The following DRC11L variants were observed in gnomAD, a reference collection of about 807,000 sequenced individuals.
DRC11L encodes dynein regulatory complex subunit like-11.
At chr7:151,195,432 G>A in the DRC11L span, 1 of 399,274 alleles carries the variant, frequency 2.5e-6, no homozygotes, top group East Asian at 3.6e-5. Context: ...CCTGCTACCT[G>A]TCTGAGGTCA....
chr7:151,203,037 C>T, the DRC11L span: 19 of 399,672 alleles, frequency 4.8e-5, no homozygotes, highest in East Asian at 2.8e-4. Flanking sequence ...GGCCTTGCCT[C>T]GCCCGCTCTG....
chr7:151,195,928 C>T, the DRC11L span: 1 of 317,378 alleles, frequency 3.2e-6, no homozygotes, highest in Non-Finnish European at 5.8e-6. Flanking sequence ...GCGGAGAAGC[C>T]CCCAGATGGA....
chr7:151,202,058 A>G, the DRC11L span, among the ~76,000 whole-genome samples: 3 of 152,206 alleles, frequency 2.0e-5, no homozygotes, highest in Non-Finnish European at 1.5e-5. Context: ...GGATGGTAAG[A>G]ATGCTCGGGG....
At chr7:151,202,199 T>C in the DRC11L span, among the ~76,000 whole-genome samples, 2 of 152,214 alleles carry the variant, frequency 1.3e-5, no homozygotes, top group African/African-American at 4.8e-5. Flanking sequence ...TCACATCAGT[T>C]ATCAAATTAA....
the DRC11L span, among the ~76,000 whole-genome samples, chr7:151,199,609 C>T: frequency 1.3e-5 from 2 of 152,040 alleles, no homozygotes; most frequent in African/African-American, 4.8e-5. The surrounding 1 kb of genome is among the most constrained non-coding windows in gnomAD (Gnocchi z 5.2). Context: ...GCCCCTGGCC[C>T]CTCCTTCCTC....
the DRC11L span, chr7:151,194,197 C>T: frequency 2.5e-6 from 1 of 398,054 alleles, no homozygotes; most frequent in Non-Finnish European, 4.4e-6. Flanking sequence ...CTGACCCCAG[C>T]CCTCACCCCA....
the DRC11L span, chr7:151,195,888 A>G: frequency 5.6e-6 from 2 of 358,460 alleles, no homozygotes; most frequent in African/African-American, 4.2e-5. Flanking sequence ...CTGCTCTCTC[A>G]GGAGCCCTGT....
chr7:151,197,006 A>T, the DRC11L span: 1 of 399,454 alleles, frequency 2.5e-6, no homozygotes, highest in Non-Finnish European at 4.4e-6. Context: ...GGCACAGATC[A>T]TAGGGATACA....
At chr7:151,198,916 TC>T in the DRC11L span, 1 of 399,130 alleles carries the variant, frequency 2.5e-6, no homozygotes, top group Non-Finnish European at 4.4e-6. Flanking sequence ...TCCTCCTCTT[TC>T]TCCATCTGGC....
chr7:151,203,019 T>C, the DRC11L span: 1 of 399,844 alleles, frequency 2.5e-6, no homozygotes. Flanking sequence ...TGAAGGTGGC[T>C]CGAAGCCGGC....
the DRC11L span, chr7:151,192,542 C>A: frequency 2.5e-6 from 1 of 398,494 alleles, no homozygotes; most frequent in South Asian, 1.3e-4. Flanking sequence ...CCACCCCACC[C>A]TCAGCCTCAC....
At chr7:151,203,421 T>C in the DRC11L span, 2 of 399,120 alleles carry the variant, frequency 5.0e-6, no homozygotes, top group African/African-American at 4.1e-5. Context: ...GGCTCCAGTC[T>C]GGACAGGATC....
chr7:151,198,509 A>G, the DRC11L span, among the ~76,000 whole-genome samples: 1 of 152,060 alleles, frequency 6.6e-6, no homozygotes, highest in Non-Finnish European at 1.5e-5. Flanking sequence ...AAACAGGAGG[A>G]CAGATCACTC....
chr7:151,200,856 TC>T, the DRC11L span, among the ~76,000 whole-genome samples: 14 of 152,158 alleles, frequency 9.2e-5, no homozygotes, highest in African/African-American at 3.1e-4. Context: ...GTGGAGCTCC[TC>T]AGTTAATCCT....
chr7:151,195,521 G>A, the DRC11L span: 4 of 399,794 alleles, frequency 1.0e-5, no homozygotes, highest in African/African-American at 4.1e-5. Flanking sequence ...ACTGTGCCCT[G>A]TTCCTTGCCT....
chr7:151,193,306 C>T, the DRC11L span: 1 of 399,550 alleles, frequency 2.5e-6, no homozygotes, highest in Non-Finnish European at 4.4e-6. Context: ...AGACTATATG[C>T]ACCATCATCT....
the DRC11L span, chr7:151,203,212 T>C: frequency 2.5e-6 from 1 of 398,128 alleles, no homozygotes; most frequent in Non-Finnish European, 4.4e-6. Flanking sequence ...TCCCAGAGTA[T>C]CTGGGAGGCC....
chr7:151,196,626 C>T, the DRC11L span: 1 of 399,408 alleles, frequency 2.5e-6, no homozygotes, highest in Non-Finnish European at 4.4e-6. Flanking sequence ...TTCATGCGTG[C>T]ACAAGCACAT....
chr7:151,205,423 C>T, the DRC11L span: 1 of 399,398 alleles, frequency 2.5e-6, no homozygotes, highest in Non-Finnish European at 4.4e-6. Context: ...CCTGGGAGCC[C>T]CACTCCAGCC....
Sources: allele counts gnomAD v4.1 joint callset (sites outside exome capture counted in the v4.1 genomes callset), GRCh38; gene constraint gnomAD v4.1.1; non-coding constraint Gnocchi (gnomAD v3.1); transcripts MANE v1.5; gene names NCBI Gene and HGNC (gene_info 2026-07-23, HGNC 2026-07-21).